The following LRRC37A2 variants were observed in gnomAD, a reference collection of about 807,000 sequenced individuals.
LRRC37A2 encodes leucine rich repeat containing 37 member A2, also known as leucine-rich repeat-containing protein 37A2.
A neutral mutation model predicts 68.8 loss-of-function variants in LRRC37A2; 9 were observed. The observed-to-expected ratio is 0.13, with a 90% CI of 0.08 to 0.23. The LOEUF is 0.23. Ranked by LOEUF, LRRC37A2 falls within the 10% of genes least tolerant of loss-of-function variation. The pLI is 1.00. For synonymous variants in LRRC37A2, 63 were observed against 367.6 expected, an observed-to-expected ratio of 0.17 and a Z score of 9.48; for missense variants, 168 against 950.4, an observed-to-expected ratio of 0.18 and a Z score of 10.82.
At chr17:46,871,854 A>G in the LRRC37A2 span, among the ~76,000 whole-genome samples, 1 of 152,164 alleles carries the variant, frequency 6.6e-6, no homozygotes, top group South Asian at 2.1e-4. Context: ...CTTTCCTTCC[A>G]TCCCCTTCTC....
the LRRC37A2 span, among the ~76,000 whole-genome samples, chr17:46,770,940 AC>A: frequency 6.6e-6 from 1 of 152,206 alleles, no homozygotes; most frequent in African/African-American, 2.4e-5. Flanking sequence ...TCATGGCAGG[AC>A]CCGGGAGCCG....
the LRRC37A2 span, among the ~76,000 whole-genome samples, chr17:46,730,414 T>C: frequency 6.6e-6 from 1 of 152,172 alleles, no homozygotes; most frequent in Admixed American, 6.5e-5. Flanking sequence ...TTAAATACTA[T>C]ACACATTGAT....
the LRRC37A2 span, among the ~76,000 whole-genome samples, chr17:46,791,683 T>C: frequency 1.3e-5 from 2 of 152,210 alleles, no homozygotes; most frequent in African/African-American, 4.8e-5. Context: ...TGCATTCTAC[T>C]TACATTCATC....
At chr17:46,781,780 C>T in the LRRC37A2 span, among the ~76,000 whole-genome samples, 1 of 152,162 alleles carries the variant, frequency 6.6e-6, no homozygotes, top group Non-Finnish European at 1.5e-5. Context: ...TTCAACTTCG[C>T]ATCTAGAGCC....
chr17:46,829,264 T>G, the LRRC37A2 span, among the ~76,000 whole-genome samples: 1 of 152,112 alleles, frequency 6.6e-6, no homozygotes, highest in African/African-American at 2.4e-5. Context: ...GCCTCCCAGA[T>G]TCAAGTGATT....
chr17:46,968,443 C>G, the LRRC37A2 span, among the ~76,000 whole-genome samples: 1 of 152,250 alleles, frequency 6.6e-6, no homozygotes, highest in Admixed American at 6.5e-5. Context: ...TGGGGTGTCC[C>G]TCCATGCGGG....
the LRRC37A2 span, among the ~76,000 whole-genome samples, chr17:46,900,130 A>G: frequency 1.4e-5 from 2 of 142,684 alleles, no homozygotes; most frequent in Non-Finnish European, 3.0e-5. Context: ...GTACAATTTC[A>G]CCACCTCCTC....
chr17:46,943,639 C>T, the LRRC37A2 span, among the ~76,000 whole-genome samples: 9 of 152,100 alleles, frequency 5.9e-5, no homozygotes, highest in Non-Finnish European at 7.4e-5. Context: ...ATCGGGTAAG[C>T]GGCTGCAGGA....
chr17:46,580,084 GCGGTTGAGTTAAA>G, the LRRC37A2 span, among the ~76,000 whole-genome samples: 3 of 149,794 alleles, frequency 2.0e-5, no homozygotes, highest in East Asian at 6.1e-4. Context: ...GAAATTTACC[GCGGTTGAGTTAAA>G]CGTAGACATT....
At chr17:46,773,634 A>AG in the LRRC37A2 span, 1 of 160,900 alleles carries the variant, frequency 6.2e-6, no homozygotes, top group Non-Finnish European at 1.1e-5. Context: ...CCCCCCACCC[A>AG]GCCCCTCCCC....
chr17:46,997,637 G>A, the LRRC37A2 span, among the ~76,000 whole-genome samples: 46 of 152,146 alleles, frequency 3.0e-4, no homozygotes, highest in Non-Finnish European at 5.6e-4. Context: ...AATCCAGACC[G>A]TGGGTAATAT....
the LRRC37A2 span, among the ~76,000 whole-genome samples, chr17:46,994,706 A>G: frequency 6.6e-6 from 1 of 152,106 alleles, no homozygotes; most frequent in South Asian, 2.1e-4. Context: ...TTTTCTCAGC[A>G]TCAAGCAGTT....
At chr17:46,685,326 T>C in the LRRC37A2 span, among the ~76,000 whole-genome samples, 1 of 149,632 alleles carries the variant, frequency 6.7e-6, no homozygotes, top group South Asian at 2.1e-4. Flanking sequence ...CGATATTAAT[T>C]ATAGCCAGCC....
chr17:46,882,627 G>A, the LRRC37A2 span, among the ~76,000 whole-genome samples: 1 of 152,064 alleles, frequency 6.6e-6, no homozygotes, highest in African/African-American at 2.4e-5. Context: ...AGGCACTGGC[G>A]GGAAGCATCC....
At chr17:46,835,360 C>T in the LRRC37A2 span, among the ~76,000 whole-genome samples, 2 of 152,060 alleles carry the variant, frequency 1.3e-5, no homozygotes, top group Admixed American at 6.6e-5. Context: ...TACAGGCACC[C>T]GCCACCACGC....
chr17:46,965,114 A>G, the LRRC37A2 span: 1 of 152,220 alleles, frequency 6.6e-6, no homozygotes, highest in Non-Finnish European at 1.5e-5. Context: ...GAAGTGGAGT[A>G]TCTCATTATC....
At chr17:47,032,480 C>G in the LRRC37A2 span, among the ~76,000 whole-genome samples, 1 of 152,218 alleles carries the variant, frequency 6.6e-6, no homozygotes, top group African/African-American at 2.4e-5. Flanking sequence ...TCTTAGTTCT[C>G]CTGTAATAGG....
At chr17:46,865,946 G>T in the LRRC37A2 span, among the ~76,000 whole-genome samples, 1 of 152,074 alleles carries the variant, frequency 6.6e-6, no homozygotes, top group Non-Finnish European at 1.5e-5. Context: ...TTTGTTTATT[G>T]ATACTCAGTT....
the LRRC37A2 span, among the ~76,000 whole-genome samples, chr17:46,809,126 G>A: frequency 6.6e-6 from 1 of 152,124 alleles, no homozygotes; most frequent in African/African-American, 2.4e-5. Flanking sequence ...GGATCGAGGG[G>A]GTTTGTGAAA....
Sources: gnomAD v4.1 joint callset for allele counts (sites outside exome capture counted in the v4.1 genomes callset) on GRCh38, gnomAD v4.1.1 for gene constraint, MANE v1.5 for transcripts, NCBI Gene and HGNC (gene_info 2026-07-23, HGNC 2026-07-21) for gene names.